The following ASAP1 variants were observed in gnomAD, a reference collection of about 807,000 sequenced individuals.
ASAP1 encodes arf-GAP with SH3 domain, ANK repeat and PH domain-containing protein 1.
A neutral mutation model predicts 145.2 loss-of-function variants in ASAP1; 43 were observed. The ratio of observed to expected loss-of-function variants is 0.30; its 90% CI spans 0.23 to 0.38. ASAP1 has a LOEUF of 0.38. Among genes scored for constraint, ASAP1 ranks in the 10% least tolerant of loss-of-function variants. ASAP1 has a pLI of 1.00. For missense variants in ASAP1, 1,018 were observed against 1,355.3 expected (o/e 0.75, Z 3.91); for synonymous variants, 546 against 515.5 (o/e 1.06, Z -0.80).
intron 9 of ASAP1, among the ~76,000 whole-genome samples, chr8:130,174,591 C>T (rs1037858504): frequency 1.3e-5 from 2 of 152,194 alleles, no homozygotes; most frequent in Non-Finnish European, 1.5e-5. Flanking sequence ...GAACTTTCAG[C>T]CCCACCCCTC....
intron 13 of ASAP1, among the ~76,000 whole-genome samples, chr8:130,143,762 A>C (rs977290477): frequency 3.9e-5 from 6 of 152,208 alleles, no homozygotes; most frequent in Non-Finnish European, 8.8e-5. Context: ...AACACCGCAC[A>C]TTTGTCTTTA....
chr8:130,269,657 C>T (rs1820472358), intron 3 of ASAP1, among the ~76,000 whole-genome samples: 1 of 152,126 alleles, frequency 6.6e-6, no homozygotes, highest in Non-Finnish European at 1.5e-5. Context: ...CTCTTTCACC[C>T]CTAAGGGGGT....
At chr8:130,073,793 A>G (rs1431500348) in intron 27 of ASAP1, among the ~76,000 whole-genome samples, 1 of 152,198 alleles carries the variant, frequency 6.6e-6, no homozygotes, top group Non-Finnish European at 1.5e-5. Context: ...TCACACACAG[A>G]GACAATGCGA....
At chr8:130,062,431 T>C (rs1592715310) in intron 27 of ASAP1, among the ~76,000 whole-genome samples, 1 of 152,342 alleles carries the variant, frequency 6.6e-6, no homozygotes, top group African/African-American at 2.4e-5. Context: ...CACAGGCTGG[T>C]CCCTAAGCTT....
intron 2 of ASAP1, among the ~76,000 whole-genome samples, chr8:130,390,255 A>C (rs1236562852): frequency 6.6e-6 from 1 of 152,204 alleles, no homozygotes; most frequent in Admixed American, 6.5e-5. Flanking sequence ...GAACTTTATA[A>C]GTTTCTCAGT....
intron 1 of ASAP1, among the ~76,000 whole-genome samples, chr8:130,441,493 C>T (rs1448400640): frequency 6.6e-6 from 1 of 152,176 alleles, no homozygotes; most frequent in African/African-American, 2.4e-5. Context: ...AACCGAGCAG[C>T]AGGATCCAAA....
At chr8:130,113,117 A>G (rs1008805887) in intron 23 of ASAP1, among the ~76,000 whole-genome samples, 1 of 152,122 alleles carries the variant, frequency 6.6e-6, no homozygotes, top group African/African-American at 2.4e-5. Context: ...CTTGCTCTTT[A>G]GACAATAAAC....
intron 18 of ASAP1, 39 bp from the exon 19 acceptor site, chr8:130,118,714 T>A (rs1375843263): frequency 1.5e-6 from 2 of 1,342,608 alleles, no homozygotes; most frequent in East Asian, 5.1e-5. Flanking sequence ...ATTTTCCAAG[T>A]GCTAGGAAAG....
intron 3 of ASAP1, among the ~76,000 whole-genome samples, chr8:130,244,517 A>G (rs1818731035): frequency 6.6e-6 from 1 of 152,096 alleles, no homozygotes; most frequent in Non-Finnish European, 1.5e-5. Context: ...ATTAAAACCT[A>G]ACTAGTCTGA....
chr8:130,139,997 C>T (rs1379799218), intron 13 of ASAP1, among the ~76,000 whole-genome samples: 1 of 148,818 alleles, frequency 6.7e-6, no homozygotes, highest in Non-Finnish European at 1.5e-5. Flanking sequence ...TTAAACAGCA[C>T]TATTTACCTC....
chr8:130,310,058 C>G (rs1823239058), intron 3 of ASAP1, among the ~76,000 whole-genome samples: 1 of 147,664 alleles, frequency 6.8e-6, no homozygotes, highest in Non-Finnish European at 1.5e-5. Context: ...ATACATTAAC[C>G]ATACCGACCT....
chr8:130,091,795 C>A (rs1282767667), intron 25 of ASAP1, among the ~76,000 whole-genome samples, 178 bp downstream of exon 25: 2 of 152,156 alleles, frequency 1.3e-5, no homozygotes, highest in African/African-American at 4.8e-5. Flanking sequence ...AAATATTTTT[C>A]AAAATGTTCC....
chr8:130,135,203 A>G (rs565070657), intron 14 of ASAP1, among the ~76,000 whole-genome samples: 1 of 152,366 alleles, frequency 6.6e-6, no homozygotes, highest in African/African-American at 2.4e-5. Context: ...GTCAAAGAAC[A>G]TACCATGCTT....
intron 14 of ASAP1, among the ~76,000 whole-genome samples, chr8:130,136,541 C>T (rs939598919): frequency 1.3e-5 from 2 of 149,338 alleles, no homozygotes; most frequent in African/African-American, 4.9e-5. Context: ...CACAGGTGCA[C>T]ATTACAATCA....
chr8:130,388,105 G>T (rs567787783), intron 2 of ASAP1, among the ~76,000 whole-genome samples: 5 of 152,346 alleles, frequency 3.3e-5, no homozygotes, highest in Non-Finnish European at 5.9e-5. Context: ...TGGAGTGGGG[G>T]ACAGGAGGTA....
intron 14 of ASAP1, among the ~76,000 whole-genome samples, chr8:130,135,372 C>CA (rs2135805726): frequency 6.6e-6 from 1 of 152,186 alleles, no homozygotes; most frequent in South Asian, 2.1e-4. Flanking sequence ...CCTGTGGTCC[C>CA]AGCTACTTGG....
intron 3 of ASAP1, among the ~76,000 whole-genome samples, chr8:130,335,764 G>T (rs1461143340): frequency 6.6e-6 from 1 of 152,150 alleles, no homozygotes; most frequent in Non-Finnish European, 1.5e-5. Flanking sequence ...ATAGTCTGAG[G>T]TTAAGAAAAT....
At chr8:130,062,852 C>T (rs1302814897) in intron 27 of ASAP1, among the ~76,000 whole-genome samples, 1 of 152,086 alleles carries the variant, frequency 6.6e-6, no homozygotes, top group African/African-American at 2.4e-5. Context: ...TACATGCCTG[C>T]AGTCCTAGCT....
In ASAP1 at chr8:130,125,973, C is replaced by T. The variant is rs1288179564; in HGVS notation, c.1498G>A (p.Gly500Arg). The T allele has an allele frequency of 6.2e-7, 1 of 1,612,780 alleles. No individual in the cohort carries two copies. Among genetic ancestry groups the T allele is most frequent in the South Asian group, 1.1e-5 (1 of 90,648 alleles). The change falls in exon 17 of 30, where the codon GGA (glycine) becomes AGA (arginine). Residue 500 changes from glycine to arginine, a missense_variant. Gly to Arg is a moderately radical substitution (Grantham distance 125). Transcript: ENST00000518721. ...CTACTTACCAAGAGTTCAGAAGTTCCTAATTTGTCTAGTTCCAAAGACTGA... is the reference window on the plus strand; with the variant it reads ...CTACTTACCAAGAGTTCAGAAGTTCTTAATTTGTCTAGTTCCAAAGACTGA... ...RIQSLELDKL[G>R]TSELLLAKNV...
Sources: gnomAD v4.1 joint callset for allele counts (sites outside exome capture counted in the v4.1 genomes callset) on GRCh38, gnomAD v4.1.1 for gene constraint, MANE v1.5 for transcripts, NCBI Gene and HGNC (gene_info 2026-07-23, HGNC 2026-07-21) for gene names.